The following CHAF1A variants were observed in gnomAD, a reference collection of about 807,000 sequenced individuals.
CHAF1A encodes CAF-1 subunit A.
Under a neutral mutation model 93.2 loss-of-function variants are expected in CHAF1A, and 5 were observed. The ratio of observed to expected loss-of-function variants is 0.05; its 90% CI spans 0.03 to 0.11. The LOEUF (loss-of-function observed/expected upper bound fraction) is 0.11, where lower values mean the gene tolerates loss of function less well. CHAF1A is among the 10% of genes least tolerant of loss of function. CHAF1A has a pLI of 1.00. For synonymous variants in CHAF1A, 504 were observed against 510.3 expected (o/e 0.99, Z 0.17); for missense variants, 1,102 against 1,259.9 (o/e 0.87, Z 1.90).
In CHAF1A at chr19:4,409,071, T is replaced by C. The variant is rs780395542; in HGVS notation, c.272T>C (p.Leu91Pro). The C allele has an allele frequency of 6.8e-6, 11 of 1,614,136 alleles. No homozygotes were observed. Among genetic ancestry groups the C allele is most frequent in the Non-Finnish European group, 7.6e-6 (9 of 1,180,032 alleles). The change falls in exon 3 of 15, where the codon CTT (leucine) becomes CCT (proline). Residue 91 changes from leucine (L) to proline (P), a missense_variant. Leu to Pro is a moderately conservative substitution (Grantham distance 98). Transcript: ENST00000301280. ...VGSDIDFRPK[L>P]VNGKGPLDNF... ...TCTGACATAGACTTTAGACCGAAAC[T>C]TGTCAACGGGAAGGGTCCCTTAGAT...
At chr19:4,410,165 A>T (rs1302489717) in intron 3 of CHAF1A, among the ~76,000 whole-genome samples, 1 of 152,058 alleles carries the variant, frequency 6.6e-6, no homozygotes, top group African/African-American at 2.4e-5. Context: ...GGCTGCAAAG[A>T]CACTGAGCAC....
At chr19:4,432,306 T>C in intron 12 of CHAF1A, 99 bp downstream of exon 12, 1 of 1,352,350 alleles carries the variant, frequency 7.4e-7, no homozygotes, top group Non-Finnish European at 9.9e-7. Flanking sequence ...GTGATGCAAA[T>C]GTTCTTTCCA....
intron 4 of CHAF1A, among the ~76,000 whole-genome samples, 168 bp downstream of exon 4, chr19:4,418,244 G>A (rs994332254): frequency 1.3e-5 from 2 of 152,104 alleles, no homozygotes; most frequent in South Asian, 4.1e-4. Flanking sequence ...TTCATGGTTT[G>A]TGGATTGTGT....
intron 14 of CHAF1A, 55 bp from the exon 15 acceptor site, chr19:4,442,870 C>A (rs910197079): frequency 2.2e-6 from 3 of 1,360,094 alleles, no homozygotes; most frequent in Admixed American, 2.6e-5. Flanking sequence ...GGGTCTTCCC[C>A]CAGGGAGCCC....
rs373142255 is a variant in CHAF1A at position 4,408,956 on chromosome 19, A to G, written c.157A>G (p.Met53Val). ...TGTCCCAAAGGGGAAAGCCGATGAC[A>G]TGTCAGACGATCAGGGTACTTCTGT... ...NLVPKGKADD[M>V]SDDQGTSVQS... Residue 53 changes from methionine to valine, a missense_variant, in exon 3 of 15, where the codon ATG (methionine) becomes GTG (valine). By Grantham distance (21) the Met-to-Val change is conservative (BLOSUM62 1). Around this residue, in one of 6 missense-constraint regions of CHAF1A, gnomAD observed 379 missense variants for 365.7 expected, o/e 1.04. Transcript: ENST00000301280. The G allele has an allele frequency of 2.0e-5, 33 of 1,613,732 alleles. No homozygotes were observed. The highest frequency in any genetic ancestry group is 5.0e-5 in the Admixed American group (3 of 59,924).
At chr19:4,445,961 G>C, downstream of CHAF1A, 1 of 1,508,318 alleles carries the variant, frequency 6.6e-7, no homozygotes, top group Non-Finnish European at 8.8e-7. Context: ...TGAGAACAAG[G>C]AGGCTCCCTC....
At chr19:4,426,883 G>A (rs1450766631) in intron 7 of CHAF1A, among the ~76,000 whole-genome samples, 1 of 151,968 alleles carries the variant, frequency 6.6e-6, no homozygotes, top group Non-Finnish European at 1.5e-5. Flanking sequence ...CTGAGGTCAG[G>A]AGCTTGAGAC....
intron 2 of CHAF1A, among the ~76,000 whole-genome samples, chr19:4,408,041 C>G (rs1046159199): frequency 8.6e-5 from 13 of 151,470 alleles, no homozygotes; most frequent in Non-Finnish European, 1.8e-4. Flanking sequence ...GACGAGGTCC[C>G]TTTTGCCCAG....
intron 3 of CHAF1A, among the ~76,000 whole-genome samples, chr19:4,415,046 G>A (rs539892361): frequency 3.3e-5 from 5 of 152,224 alleles, no homozygotes; most frequent in East Asian, 1.9e-4. Flanking sequence ...GAGCTCTGTC[G>A]CGACTCCTTG....
chr19:4,448,275 T>G, downstream of CHAF1A: 5 of 1,531,942 alleles, frequency 3.3e-6, no homozygotes, highest in South Asian at 1.2e-5. Flanking sequence ...GGTGCTGGGA[T>G]GAGCTGGAGG....
rs777905374 is a variant in CHAF1A, at chr19:4,442,265, C to T, written c.2694C>T (p.Asp898=). Residue 898 remains aspartate, a synonymous_variant, in exon 14 of 15, where the codon GAC becomes GAT. Coordinates refer to ENST00000301280, the MANE Select transcript of CHAF1A (RefSeq NM_005483.3). ...TCCAGATTGGTGCTGAAGACATGGA[C>T]GGCTTCCAGGCAGACACGGAGGAGG... The part of the protein sequence containing the change: ...HDGQIGAEDM[D]GFQADTEEEE... The T allele has an allele frequency of 4.9e-5, 79 of 1,613,846 alleles. No homozygotes were observed. Among genetic ancestry groups the T allele is most frequent in the Non-Finnish European group, 6.2e-5 (73 of 1,179,970 alleles).
chr19:4,447,148 G>C, downstream of CHAF1A: 1 of 598,498 alleles, frequency 1.7e-6, no homozygotes, highest in East Asian at 2.8e-5. Flanking sequence ...AACCAGGCAC[G>C]AAGAGTGAGG....
chr19:4,448,004 CAG>C, downstream of CHAF1A: 10 of 521,278 alleles, frequency 1.9e-5, 1 homozygote, highest in South Asian at 2.2e-4. Context: ...CGTGGACCTC[CAG>C]GCCTGCCCCC....
At chr19:4,425,335 C>G in intron 7 of CHAF1A, among the ~76,000 whole-genome samples, 1 of 152,114 alleles carries the variant, frequency 6.6e-6, no homozygotes, top group East Asian at 1.9e-4. Context: ...TCACTCTAAC[C>G]TTTGTCTCCC....
chr19:4,402,908 C>A, intron 1 of CHAF1A, 94 bp downstream of exon 1: 1 of 772,614 alleles, frequency 1.3e-6, no homozygotes, highest in Non-Finnish European at 1.7e-6. Context: ...CCTCCGGGCG[C>A]CAAGCCTGGT....
chr19:4,447,983 T>C (rs1158922936), downstream of CHAF1A: 3 of 502,298 alleles, frequency 6.0e-6, no homozygotes, highest in African/African-American at 3.9e-5. Context: ...TCCCTCGGCG[T>C]TGGCGGGCAG....
At chr19:4,434,638 C>T (rs1190090495) in intron 13 of CHAF1A, among the ~76,000 whole-genome samples, 3 of 152,136 alleles carry the variant, frequency 2.0e-5, no homozygotes, top group Non-Finnish European at 4.4e-5. Flanking sequence ...GACAGTTCCT[C>T]CGTGTCTGTT....
rs1477117941 is a variant in CHAF1A, at chr19:4,443,061, C to A, written c.*36C>A. On this transcript the variant is annotated 3_prime_UTR_variant, in exon 15 of 15. Transcript: ENST00000301280. The stretch of plus-strand genomic sequence containing the variant: ...GACGTATGTAGAATGCTTAGGGTGT[C>A]CTCCCCACAGAGCAGATACTTGAAC... 2 of 1,326,154 alleles carry A rather than the reference C, an allele frequency of 1.5e-6. No individual in the cohort carries two copies. The highest frequency in any genetic ancestry group is 1.3e-5 in the South Asian group (1 of 79,776). 82.1% of individuals were successfully genotyped at this position (1,326,154 alleles called of 1,614,324 possible). A position where few individuals can be genotyped will look rare whatever the true frequency, so the allele number is the denominator to read the frequency against.
intron 13 of CHAF1A, among the ~76,000 whole-genome samples, chr19:4,437,538 A>T (rs1209710564): frequency 6.6e-6 from 1 of 151,974 alleles, no homozygotes. Context: ...TTCTGTAGAG[A>T]CAGGGTCTAT....
Sources: gnomAD v4.1 joint callset for allele counts (sites outside exome capture counted in the v4.1 genomes callset) on GRCh38, gnomAD v4.1.1 for gene constraint, gnomAD v4.1.1 regional missense constraint, MANE v1.5 for transcripts, NCBI Gene and HGNC (gene_info 2026-07-23, HGNC 2026-07-21) for gene names.